Variants in ROBO3 observed in about 807,000 individuals in gnomAD.
The protein encoded by ROBO3 is roundabout guidance receptor 3.
Under a neutral mutation model 160.5 loss-of-function variants are expected in ROBO3, and 97 were observed. That is an observed-to-expected ratio of 0.60 (90% confidence interval 0.51 to 0.72). ROBO3 has a LOEUF of 0.72. Among genes scored for constraint, ROBO3 ranks in the 30% least tolerant of loss-of-function variants. ROBO3 has a pLI of 0.00. For synonymous variants in ROBO3, 780 were observed against 746.2 expected (o/e 1.05, Z -0.74); for missense variants, 1,858 against 1,846.5 (o/e 1.01, Z -0.11).
In ROBO3 at chr11:124,872,557, G is replaced by T. The variant is rs971224177; in HGVS notation, c.1330+5G>T. On this transcript the variant is annotated splice_donor_5th_base_variant and intron_variant, in intron 8 of 27. Transcript: ENST00000397801. The surrounding 1 kb of genome is among the most constrained non-coding windows in gnomAD (Gnocchi z 4.3). ...CCCTGCTGGAGATAAAAGGAGGTAC[G>T]TGCCCATGGAGATAGGACTGGATCC... 1.9e-6 allele frequency: 3 copies of T among 1,612,328 alleles called. No homozygotes were observed. The highest frequency in any genetic ancestry group is 2.5e-6 in the Non-Finnish European group (3 of 1,178,660).
intron 1 of ROBO3, among the ~76,000 whole-genome samples, chr11:124,866,680 G>T (rs1285377109): frequency 2.6e-5 from 4 of 152,192 alleles, no homozygotes; most frequent in African/African-American, 7.2e-5. Context: ...AGCCTCATTA[G>T]CATGGCCATT....
In ROBO3 at chr11:124,873,452, G is replaced by T; in HGVS notation, c.1618+61G>T. ...CCTTCCTCCAAACCTGCTTCAACAG[G>T]TAGTCGATACCTCCTCAAACTCCGG... On this transcript the variant is annotated intron_variant, in intron 10 of 27. Transcript: ENST00000397801. This position sits in a 1 kb window ranked among gnomAD's most constrained non-coding sequence, Gnocchi z 4.5. The T allele has an allele frequency of 7.2e-7, 1 of 1,398,248 alleles. No homozygotes were observed. Among genetic ancestry groups the T allele is most frequent in the Non-Finnish European group, 1.0e-6 (1 of 1,002,446 alleles). 86.6% of individuals were successfully genotyped at this position (1,398,248 alleles called of 1,614,324 possible).
rs543770866 is a variant in ROBO3, at chr11:124,865,518, G to C, written c.-60G>C. On this transcript the variant is annotated 5_prime_UTR_variant, in exon 1 of 28. Transcript: ENST00000397801. The surrounding 1 kb of genome is among the most constrained non-coding windows in gnomAD (Gnocchi z 5.5). ...AGGGGCTTACGGCTCCCAGCCCACGGGTCTCAGACCCAGGGGCTGGGCCCC... is the reference window on the plus strand; with the variant it reads ...AGGGGCTTACGGCTCCCAGCCCACGCGTCTCAGACCCAGGGGCTGGGCCCC... 1 of 1,563,938 alleles carries C rather than the reference G, an allele frequency of 6.4e-7. No homozygotes were observed. The highest frequency in any genetic ancestry group is 1.8e-5 in the Admixed American group (1 of 56,210).
rs561165246 is a variant in ROBO3 at position 124,880,546 on chromosome 11, C to T, written c.4087C>T (p.Arg1363Trp). The T allele has an allele frequency of 2.7e-5, 42 of 1,535,610 alleles. No individual in the cohort carries two copies. The highest frequency in any genetic ancestry group is 2.7e-4 in the East Asian group (11 of 40,904). Residue 1363 changes from arginine (R) to tryptophan (W), a missense_variant, in exon 27 of 28, where the codon CGG (arginine) becomes TGG (tryptophan). Coordinates refer to ENST00000397801, the MANE Select transcript of ROBO3 (RefSeq NM_022370.4). ...CTCTAGGGGCTCCCGGGGCCCTGGC[C>T]GGAGCCGGAGTCGGAGTCAGAGCCG... is the stretch of plus-strand genomic sequence containing the variant. ...SSSRGSRGPG[R>W]SRSRSQSRSQ...
Position 124,878,272 on chromosome 11 carries a change from G to C in ROBO3, c.3182-26G>C, listed in dbSNP as rs369162187. ...TCTGGCTCTTTCCTGCCTGTTCTCCGGGTGTCCCCATCCTATTCTCCTCAG... is the reference window on the plus strand; with the variant it reads ...TCTGGCTCTTTCCTGCCTGTTCTCCCGGTGTCCCCATCCTATTCTCCTCAG... On this transcript the variant is annotated intron_variant, in intron 21 of 27. Transcript: ENST00000397801. The surrounding 1 kb of genome is among the most constrained non-coding windows in gnomAD (Gnocchi z 4.3). 23 of 1,609,574 alleles carry C rather than the reference G, an allele frequency of 1.4e-5. No homozygotes were observed. In the South Asian group the frequency reaches 2.3e-4, roughly 16 times the overall value.
Position 124,873,923 on chromosome 11 carries a change from A to G in ROBO3, c.1784+61A>G. The G allele has an allele frequency of 6.2e-7, 1 of 1,600,726 alleles. No homozygotes were observed. The highest frequency in any genetic ancestry group is 8.6e-7 in the Non-Finnish European group (1 of 1,169,358). On this transcript the variant is annotated intron_variant, in intron 11 of 27. Transcript: ENST00000397801. The surrounding 1 kb of genome is among the most constrained non-coding windows in gnomAD (Gnocchi z 4.5). ...TAAAAGGAGGGGATCCTATGCCCTT[A>G]GGGTCTTTGCTATTGTGAGGTGGGA...
In ROBO3 at chr11:124,876,369, CA is replaced by C; in HGVS notation, c.2689del (p.Ser897AlafsTer107). 7.0e-7 allele frequency: 1 copy of C among 1,437,908 alleles called. No individual in the cohort carries two copies. Among genetic ancestry groups the C allele is most frequent in the Non-Finnish European group, 9.1e-7 (1 of 1,104,012 alleles). The allele number at this position is 1,437,908 out of a possible 1,614,324, so 89.1% of individuals were successfully genotyped here. A position where few individuals can be genotyped will look rare whatever the true frequency, so the allele number is the denominator to read the frequency against. ...TGCGGGAGCCCGCCTTCCTCGCGGG[CA>C]GCGGCGCAGCCTGCGGGGCGCTGCT... ...VLREPAFLAGSGAACGALLLG... is the reference protein window; with the variant it reads ...VLREPAFLAGXGAACGALLLG... On this transcript the variant is annotated frameshift_variant, in exon 17 of 28. Coordinates refer to ENST00000397801, the MANE Select transcript of ROBO3 (RefSeq NM_022370.4). LOFTEE classifies it high-confidence loss of function. The surrounding 1 kb of genome is among the most constrained non-coding windows in gnomAD (Gnocchi z 5.3).
In ROBO3 at chr11:124,877,999, C is replaced by A. The variant is rs774245178; in HGVS notation, c.3049C>A (p.Pro1017Thr). 4 of 1,612,136 alleles carry A rather than the reference C, an allele frequency of 2.5e-6. No individual in the cohort carries two copies. Among genetic ancestry groups the A allele is most frequent in the Non-Finnish European group, 2.5e-6 (3 of 1,179,184 alleles). Residue 1017 changes from proline to threonine, a missense_variant, in exon 21 of 28, where the codon CCT becomes ACT. Pro to Thr is a conservative substitution (Grantham distance 38). Transcript: ENST00000397801. Reference protein sequence around the residue: ...ARGTAAPGEGPVYSTIDPAGE... With the variant: ...ARGTAAPGEGTVYSTIDPAGE... ...GGGCACGGCCGCCCCTGGCGAGGGT[C>A]CTGTCTATAGCACCATTGACCCAGC...
In ROBO3 at chr11:124,865,569, G is replaced by T; in HGVS notation, c.-9G>T. 4 of 1,610,290 alleles carry T rather than the reference G, an allele frequency of 2.5e-6. No homozygotes were observed. Among genetic ancestry groups the T allele is most frequent in the Non-Finnish European group, 3.4e-6 (4 of 1,179,494 alleles). On this transcript the variant is annotated 5_prime_UTR_variant, in exon 1 of 28. Coordinates refer to ENST00000397801, the MANE Select transcript of ROBO3 (RefSeq NM_022370.4). This position sits in a 1 kb window ranked among gnomAD's most constrained non-coding sequence, Gnocchi z 5.5. ...CAGCCCCCAGTCCCGATCCCAGCTG[G>T]GTCGAGCCATGCTGCGCTACCTGCT...
At position 124,870,920 on chromosome 11, in the gene ROBO3, T is replaced by C. The variant is rs573984994; in HGVS notation, c.1034-94T>C. ...GAGATGGATATCTGCTCCTGTACAC[T>C]TGAGCTAAGCTGGAGCTTCTCTCTC... On this transcript the variant is annotated intron_variant, in intron 6 of 27. Coordinates refer to ENST00000397801, the MANE Select transcript of ROBO3 (RefSeq NM_022370.4). The C allele has an allele frequency of 2.8e-4, 433 of 1,543,814 alleles. 2 individuals are homozygous for C. In the African/African-American group the frequency reaches 5.1e-3, roughly 18 times the overall value.
chr11:124,874,661 C>A (rs1223690285), intron 12 of ROBO3, 127 bp from the exon 13 acceptor site: 2 of 1,167,130 alleles, frequency 1.7e-6, no homozygotes, highest in Non-Finnish European at 1.2e-6. Context: ...CTGACCAGTC[C>A]CCTCCTGACC....
At position 124,878,724 on chromosome 11, in the gene ROBO3, C is replaced by G. The variant is rs138249421; in HGVS notation, c.3461C>G (p.Ala1154Gly). The G allele has an allele frequency of 2.4e-5, 39 of 1,613,856 alleles. No individual in the cohort carries two copies. The African/African-American group carries it at 4.7e-4, about 19-fold the overall frequency. ...CCTTCCTATGGACAGCAGTCCACAGCCACTCTTACACCCTCACCTCCTGAC... is the reference window on the plus strand; with the variant it reads ...CCTTCCTATGGACAGCAGTCCACAGGCACTCTTACACCCTCACCTCCTGAC... ...PTPSYGQQST[A>G]TLTPSPPDPP... The change falls in exon 23 of 28, where the codon GCC becomes GGC. Residue 1154 changes from alanine to glycine, a missense_variant. By Grantham distance (60) the Ala-to-Gly change is moderately conservative (BLOSUM62 0). Coordinates refer to ENST00000397801, the MANE Select transcript of ROBO3 (RefSeq NM_022370.4). The surrounding 1 kb of genome is among the most constrained non-coding windows in gnomAD (Gnocchi z 4.3).
chr11:124,870,231 T>G lies in ROBO3; in HGVS notation c.833T>G (p.Leu278Arg). 6.2e-7 allele frequency: 1 copy of G among 1,614,018 alleles called. No individual in the cohort carries two copies. Among genetic ancestry groups the G allele is most frequent in the Non-Finnish European group, 8.5e-7 (1 of 1,179,884 alleles). The change falls in exon 5 of 28, where the codon CTA becomes CGA. Residue 278 changes from leucine (L) to arginine (R), a missense_variant. Coordinates refer to ENST00000397801, the MANE Select transcript of ROBO3 (RefSeq NM_022370.4). The stretch of plus-strand genomic sequence containing the variant: ...CTGGCTGATGCCCCTGTGACTTTCC[T>G]ATGTGAGGTGAAGGGGGATCCCCCA... ...VVLADAPVTF[L>R]CEVKGDPPPR...
chr11:124,877,227 G>A, intron 18 of ROBO3, 40 bp from the exon 19 acceptor site: 3 of 1,613,876 alleles, frequency 1.9e-6, no homozygotes, highest in Non-Finnish European at 2.5e-6. Context: ...CCCCCGGGAC[G>A]GGCCCTTCTC....
At position 124,873,236 on chromosome 11, in the gene ROBO3, C is replaced by CTCACTGGATCT; in HGVS notation, c.1537-73_1537-72insCACTGGATCTT. The CTCACTGGATCT allele has an allele frequency of 6.9e-7, 1 of 1,459,078 alleles. No homozygotes were observed. Among genetic ancestry groups the CTCACTGGATCT allele is most frequent in the South Asian group, 1.2e-5 (1 of 81,902 alleles). 90.4% of individuals were successfully genotyped at this position (1,459,078 alleles called of 1,614,324 possible). A position where few individuals can be genotyped will look rare whatever the true frequency, so the allele number is the denominator to read the frequency against. ...TAGTATCCAACATCTTCCCATCCTT[C>CTCACTGGATCT]TGCTACCCGCCTCCACCCCCTCACT... On this transcript the variant is annotated intron_variant, in intron 9 of 27. Coordinates refer to ENST00000397801, the MANE Select transcript of ROBO3 (RefSeq NM_022370.4). The surrounding 1 kb of genome is among the most constrained non-coding windows in gnomAD (Gnocchi z 4.5).
chr11:124,867,608 C>G (rs570822034), intron 1 of ROBO3, among the ~76,000 whole-genome samples: 1 of 152,152 alleles, frequency 6.6e-6, no homozygotes, highest in Non-Finnish European at 1.5e-5. Context: ...GGACAGAAAT[C>G]GATCTTCTTG....
intron 26 of ROBO3, 47 bp from the exon 27 acceptor site, chr11:124,880,371 T>A: frequency 6.2e-7 from 1 of 1,605,824 alleles, no homozygotes; most frequent in Non-Finnish European, 8.5e-7. Flanking sequence ...GACAGGGAAG[T>A]TCTGCTTCCT....
At position 124,876,843 on chromosome 11, in the gene ROBO3, T is replaced by C; in HGVS notation, c.2780-318T>C. On this transcript the variant is annotated intron_variant, in intron 17 of 27. Transcript: ENST00000397801. The surrounding 1 kb of genome is among the most constrained non-coding windows in gnomAD (Gnocchi z 5.3). The stretch of plus-strand genomic sequence containing the variant: ...AGTAAATTGTGCGGCGGGGTCTGGA[T>C]GGAAAGGCGGGGCCCGCTGAAAGAA... 1.8e-6 allele frequency: 1 copy of C among 546,442 alleles called. No homozygotes were observed. The highest frequency in any genetic ancestry group is 3.3e-6 in the Non-Finnish European group (1 of 306,796). The allele number at this position is 546,442 out of a possible 1,614,324, so 33.8% of individuals were successfully genotyped here.
chr11:124,865,658 C>A lies in ROBO3; in HGVS notation c.81C>A (p.Ser27Arg). 1.2e-6 allele frequency: 2 copies of A among 1,612,774 alleles called. No homozygotes were observed. The highest frequency in any genetic ancestry group is 8.5e-7 in the Non-Finnish European group (1 of 1,179,580). The change falls in exon 1 of 28, where the codon AGC becomes AGA. Residue 27 changes from serine (S) to arginine (R), a missense_variant. Physicochemically the swap from Ser to Arg is moderately radical, Grantham distance 110. Coordinates refer to ENST00000397801, the MANE Select transcript of ROBO3 (RefSeq NM_022370.4). The surrounding 1 kb of genome is among the most constrained non-coding windows in gnomAD (Gnocchi z 5.5). ...TGGCCGGGGACATCTCCAACTCCAG[C>A]GAGCTGCTCTTGGGCTTCAACTCCT... Reference protein sequence around the residue: ...DSLAGDISNSSELLLGFNSSL... With the variant: ...DSLAGDISNSRELLLGFNSSL...
Sources: gnomAD v4.1 joint callset for allele counts (sites outside exome capture counted in the v4.1 genomes callset) on GRCh38, gnomAD v4.1.1 for gene constraint, Gnocchi (gnomAD v3.1) non-coding constraint, MANE v1.5 for transcripts, NCBI Gene and HGNC (gene_info 2026-07-23, HGNC 2026-07-21) for gene names.